STK3: variants seen among roughly 807,000 people sequenced by gnomAD.
The protein encoded by STK3 is serine/threonine kinase 3, also known as serine/threonine-protein kinase 3.
In STK3, 41 loss-of-function variants were observed where a neutral mutation model predicts 58.0. The observed-to-expected ratio is 0.71, with a 90% CI of 0.55 to 0.92. STK3 has a LOEUF of 0.92. STK3 is among the 40% of genes least tolerant of loss of function. The pLI is 0.00. For synonymous variants in STK3, 170 were observed against 191.0 expected, an observed-to-expected ratio of 0.89 and a Z score of 0.91; for missense variants, 479 against 602.7, an observed-to-expected ratio of 0.79 and a Z score of 2.15.
chr8:98,485,592 G>T (rs1424682405), intron 10 of STK3, among the ~76,000 whole-genome samples: 2 of 152,186 alleles, frequency 1.3e-5, no homozygotes, highest in African/African-American at 4.8e-5. Context: ...GTTTAAGCTG[G>T]GTAAGATTTC....
the STK3 span, among the ~76,000 whole-genome samples, chr8:98,351,538 T>G: frequency 2.6e-5 from 4 of 152,176 alleles, no homozygotes; most frequent in Admixed American, 1.3e-4. Flanking sequence ...ATTCTTGGCA[T>G]GGAAGAAAGG....
At chr8:98,443,370 CA>C (rs369907268) in intron 1 of STK3, among the ~76,000 whole-genome samples, 176 of 152,290 alleles carry the variant, frequency 1.2e-3, no homozygotes, top group African/African-American at 4.1e-3. Flanking sequence ...TTGTGAATGG[CA>C]GTTTGTTTCC....
intron 10 of STK3, among the ~76,000 whole-genome samples, chr8:98,509,768 C>T (rs913210122): frequency 6.6e-6 from 1 of 151,766 alleles, no homozygotes; most frequent in South Asian, 2.1e-4. Flanking sequence ...CTTATTTTAC[C>T]AATATTAAAG....
chr8:98,449,631 CT>C (rs1034780856), downstream of STK3, among the ~76,000 whole-genome samples: 1 of 152,096 alleles, frequency 6.6e-6, no homozygotes, highest in Non-Finnish European at 1.5e-5. Context: ...CAATAATCAT[CT>C]TAAAGAGGAG....
chr8:98,701,996 C>T (rs1449187868), intron 6 of STK3, among the ~76,000 whole-genome samples: 1 of 152,116 alleles, frequency 6.6e-6, no homozygotes, highest in East Asian at 1.9e-4. Flanking sequence ...TGTTTAAAAG[C>T]TTTATATGTT....
At chr8:98,527,464 C>A (rs1434132362) in intron 9 of STK3, among the ~76,000 whole-genome samples, 3 of 151,714 alleles carry the variant, frequency 2.0e-5, no homozygotes, top group Non-Finnish European at 4.4e-5. Flanking sequence ...ATAAAAAATA[C>A]AAAAAATTAG....
chr8:98,488,998 A>T (rs1479074119), intron 10 of STK3, among the ~76,000 whole-genome samples: 1 of 152,148 alleles, frequency 6.6e-6, no homozygotes, highest in Non-Finnish European at 1.5e-5. Context: ...CCTGAAGTGG[A>T]GATGCCTCCA....
chr8:98,586,139 T>C (rs1814563796), intron 7 of STK3, among the ~76,000 whole-genome samples: 1 of 151,876 alleles, frequency 6.6e-6, no homozygotes, highest in Non-Finnish European at 1.5e-5. Flanking sequence ...CTATGTTGAA[T>C]AGGAGTGGTG....
At chr8:98,734,538 A>C (rs954985310) in intron 4 of STK3, among the ~76,000 whole-genome samples, 2 of 152,222 alleles carry the variant, frequency 1.3e-5, no homozygotes, top group Non-Finnish European at 2.9e-5. Context: ...TCCAAAATAT[A>C]GACTCTATTT....
At chr8:98,607,753 C>CA (rs1209879505) in intron 6 of STK3, among the ~76,000 whole-genome samples, 1 of 152,120 alleles carries the variant, frequency 6.6e-6, no homozygotes, top group Non-Finnish European at 1.5e-5. Flanking sequence ...GGATACTCAA[C>CA]AGACATTTTC....
In STK3 at chr8:98,436,696, G is replaced by A. The variant is rs183981907; in HGVS notation, n.291+407C>T. On this transcript the variant is annotated intron_variant and non_coding_transcript_variant, in intron 2 of 3. Coordinates refer to the STK3 transcript ENST00000517832. Reference sequence around the variant, plus strand: ...TTTACTGTGCAGCAGAATCCTCTGGGGAGCTCTTCACAATGTAGATTTCTG... The same window carrying A: ...TTTACTGTGCAGCAGAATCCTCTGGAGAGCTCTTCACAATGTAGATTTCTG... 123 of 152,268 alleles carry A rather than the reference G, an allele frequency of 8.1e-4. 1 individual carries two copies. Among genetic ancestry groups the A allele is most frequent in the African/African-American group, 2.9e-3 (120 of 41,548 alleles). 9.4% of individuals were successfully genotyped at this position (152,268 alleles called of 1,614,324 possible).
intron 1 of STK3, among the ~76,000 whole-genome samples, chr8:98,785,385 C>A (rs1279957227): frequency 1.3e-5 from 2 of 152,174 alleles, no homozygotes; most frequent in African/African-American, 4.8e-5. Context: ...GCCACCCATC[C>A]CTGTGCAGAG....
intron 7 of STK3, among the ~76,000 whole-genome samples, chr8:98,589,560 T>C (rs1316170013): frequency 6.6e-6 from 1 of 152,242 alleles, no homozygotes; most frequent in Non-Finnish European, 1.5e-5. Context: ...TGTTTGTCTG[T>C]GCCCTGCCCC....
chr8:98,602,876 T>TA (rs11299438), intron 6 of STK3, among the ~76,000 whole-genome samples: 86 of 136,370 alleles, frequency 6.3e-4, no homozygotes, highest in Middle Eastern at 3.9e-3. Context: ...TCCAAATAAC[T>TA]AAAAAAAAAA....
chr8:98,811,863 C>T (rs1834245760), intron 1 of STK3, among the ~76,000 whole-genome samples: 1 of 152,218 alleles, frequency 6.6e-6, no homozygotes, highest in South Asian at 2.1e-4. Context: ...TGGTCTGTCA[C>T]CCAGGCTGGA....
chr8:98,777,034 A>G (rs1831733882), intron 1 of STK3, among the ~76,000 whole-genome samples: 1 of 151,822 alleles, frequency 6.6e-6, no homozygotes, highest in African/African-American at 2.4e-5. Flanking sequence ...TGGGCGACAG[A>G]GCAAGACTCC....
intron 3 of STK3, chr8:98,427,146 G>A (rs1818247106): frequency 6.6e-6 from 1 of 150,478 alleles, no homozygotes. Context: ...AGCTGCGGGC[G>A]GCGGCGGCGT....
chr8:98,676,676 TA>T (rs1018837145), intron 6 of STK3, among the ~76,000 whole-genome samples: 4 of 149,460 alleles, frequency 2.7e-5, no homozygotes, highest in African/African-American at 9.8e-5. Context: ...AATAAAAAAG[TA>T]AAAAAAAATA....
At chr8:98,792,972 T>C (rs1247743477) in intron 1 of STK3, among the ~76,000 whole-genome samples, 1 of 152,018 alleles carries the variant, frequency 6.6e-6, no homozygotes, top group Non-Finnish European at 1.5e-5. Flanking sequence ...TGTATGTATA[T>C]ATATGATGGA....
Sources: gnomAD v4.1 joint callset for allele counts (sites outside exome capture counted in the v4.1 genomes callset) on GRCh38, gnomAD v4.1.1 for gene constraint, MANE v1.5 for transcripts, NCBI Gene and HGNC (gene_info 2026-07-23, HGNC 2026-07-21) for gene names.